Variants in LAMA3 observed in about 807,000 individuals in gnomAD.
LAMA3 encodes the protein laminin subunit alpha 3.
LAMA3 carries 281 observed loss-of-function variants against 402.0 expected under a neutral mutation model. That is an observed-to-expected ratio of 0.70 (90% confidence interval 0.63 to 0.77). The LOEUF is 0.77. LAMA3 is among the 30% of genes least tolerant of loss of function. The pLI is 0.00. For synonymous variants in LAMA3, 1,431 were observed against 1,558.4 expected, an observed-to-expected ratio of 0.92 and a Z score of 1.93; for missense variants, 3,840 against 4,215.5, an observed-to-expected ratio of 0.91 and a Z score of 2.47.
In LAMA3 at chr18:23,932,279, T is replaced by C; in HGVS notation, c.8696T>C (p.Val2899Ala). The C allele has an allele frequency of 6.2e-7, 1 of 1,613,950 alleles. No homozygotes were observed. Among genetic ancestry groups the C allele is most frequent in the Non-Finnish European group, 8.5e-7 (1 of 1,179,858 alleles). ...AATTTTGAGGGTTGTATTAGCAATG[T>C]TTTTGTCCAGAGGTAGGTGATCCTC... Reference protein sequence around the residue: ...GSNFEGCISNVFVQRLSLSPE... With the variant: ...GSNFEGCISNAFVQRLSLSPE... Residue 2899 changes from valine (V) to alanine (A), a missense_variant, in exon 66 of 75, where the codon GTT becomes GCT. Physicochemically the swap from Val to Ala is moderately conservative, Grantham distance 64 (BLOSUM62 0). Coordinates refer to ENST00000313654, the MANE Select transcript of LAMA3 (RefSeq NM_198129.4).
chr18:23,910,071 G>A lies in LAMA3; in HGVS notation c.7158+776G>A, dbSNP rs886080657. On this transcript the variant is annotated intron_variant, in intron 55 of 74. Transcript: ENST00000313654. ...AGCATAAGGCAAAGTTTGGAAGAAC[G>A]CACCCTCTTCACACTCATACATGCT... Among the ~76,000 whole-genome samples the A allele has an allele frequency of 4.6e-5, 7 of 152,264 alleles. 1 individual carries two copies. The East Asian group carries it at 5.8e-4, about 13-fold the overall frequency.
intron 50 of LAMA3, among the ~76,000 whole-genome samples, 158 bp from the exon 51 acceptor site, chr18:23,904,395 A>G (rs1200834662): frequency 3.9e-5 from 6 of 152,032 alleles, no homozygotes; most frequent in African/African-American, 1.4e-4. Flanking sequence ...GCAGACAGAG[A>G]GAGACTCTGC....
intron 11 of LAMA3, among the ~76,000 whole-genome samples, chr18:23,778,223 C>A (rs970998174): frequency 6.6e-6 from 1 of 152,172 alleles, no homozygotes; most frequent in African/African-American, 2.4e-5. Flanking sequence ...GTGGGTGTTA[C>A]ATTTACCAAA....
Position 23,776,157 on chromosome 18 carries a change from C to T in LAMA3, c.1405+234C>T, listed in dbSNP as rs1352431915. On this transcript the variant is annotated intron_variant, in intron 10 of 74. Transcript: ENST00000313654. The stretch of plus-strand genomic sequence containing the variant: ...TGTTGTGCCACAGAAATTGCCATCT[C>T]AGTAGGTCAAAAAGTCAAACATTGG... Among the ~76,000 whole-genome samples, 5 of 152,288 alleles carry T rather than the reference C, an allele frequency of 3.3e-5. No individual in the cohort carries two copies. The East Asian group carries it at 9.6e-4, about 29-fold the overall frequency.
intron 40 of LAMA3, among the ~76,000 whole-genome samples, chr18:23,883,006 A>G (rs986395936): frequency 2.6e-5 from 4 of 152,224 alleles, no homozygotes; most frequent in Admixed American, 6.5e-5. Flanking sequence ...AGAGGAAGCC[A>G]TGGCAGTATT....
At chr18:23,707,749 CTT>C (rs112324401) in intron 1 of LAMA3, among the ~76,000 whole-genome samples, 22 of 140,740 alleles carry the variant, frequency 1.6e-4, no homozygotes, top group Admixed American at 2.1e-4. Flanking sequence ...AAACAAAATT[CTT>C]TTTTTTTTTT....
At chr18:23,803,751 G>A (rs2062909370) in intron 12 of LAMA3, among the ~76,000 whole-genome samples, 1 of 152,194 alleles carries the variant, frequency 6.6e-6, no homozygotes, top group Non-Finnish European at 1.5e-5. Flanking sequence ...GGATGTCCCA[G>A]AAAGGCACAA....
At chr18:23,826,535 T>C (rs1219028802) in intron 21 of LAMA3, among the ~76,000 whole-genome samples, 167 bp from the exon 22 acceptor site, 2 of 152,234 alleles carry the variant, frequency 1.3e-5, no homozygotes, top group African/African-American at 4.8e-5. Flanking sequence ...TGAGTGGTTC[T>C]TTGTGTTTCG....
intron 2 of LAMA3, among the ~76,000 whole-genome samples, chr18:23,738,152 G>T (rs894001077): frequency 3.9e-5 from 6 of 152,100 alleles, no homozygotes; most frequent in African/African-American, 1.4e-4. Context: ...GCAGAGGGGA[G>T]TGAGTCCCCG....
intron 36 of LAMA3, among the ~76,000 whole-genome samples, chr18:23,866,887 A>G (rs113601207): frequency 1.4e-3 from 210 of 152,292 alleles, no homozygotes; most frequent in African/African-American, 4.6e-3. Flanking sequence ...TGAAATACCA[A>G]ACACCTTTAG....
At chr18:23,860,039 A>G (rs1328963853) in intron 34 of LAMA3, among the ~76,000 whole-genome samples, 3 of 152,170 alleles carry the variant, frequency 2.0e-5, no homozygotes, top group Non-Finnish European at 4.4e-5. Flanking sequence ...ACCAATTACT[A>G]TGGCAAAAGA....
At chr18:23,894,422 G>T in intron 43 of LAMA3, 74 bp downstream of exon 43, 1 of 1,297,050 alleles carries the variant, frequency 7.7e-7, no homozygotes, top group East Asian at 2.3e-5. Flanking sequence ...CACCATGCTG[G>T]GTCATGCAGT....
intron 4 of LAMA3, among the ~76,000 whole-genome samples, chr18:23,750,198 G>C (rs2061720681): frequency 6.6e-6 from 1 of 152,146 alleles, no homozygotes; most frequent in Non-Finnish European, 1.5e-5. Context: ...GGCAAACAAA[G>C]GTGAAACAAT....
At chr18:23,893,570 G>A (rs2080768416) in intron 42 of LAMA3, among the ~76,000 whole-genome samples, 1 of 151,966 alleles carries the variant, frequency 6.6e-6, no homozygotes, top group Non-Finnish European at 1.5e-5. Flanking sequence ...GTGAGAGAGT[G>A]AGACTCCCCC....
chr18:23,713,875 A>T (rs1410449336), intron 1 of LAMA3, 45 bp from the exon 2 acceptor site: 1 of 1,587,160 alleles, frequency 6.3e-7, no homozygotes, highest in Non-Finnish European at 8.6e-7. Context: ...GAAAGTAAAA[A>T]AATAAAAAAC....
chr18:23,750,842 GTTA>G, intron 4 of LAMA3, 73 bp from the exon 5 acceptor site: 1 of 1,527,940 alleles, frequency 6.5e-7, no homozygotes, highest in South Asian at 1.1e-5. Flanking sequence ...GGGCATGTGA[GTTA>G]TTTTTACTTA....
At chr18:23,724,251 G>A (rs545549226) in intron 2 of LAMA3, among the ~76,000 whole-genome samples, 13 of 152,166 alleles carry the variant, frequency 8.5e-5, no homozygotes, top group East Asian at 3.9e-4. Context: ...TGGTATGTAC[G>A]TATACATCTT....
In LAMA3 at chr18:23,931,177, T is replaced by C; in HGVS notation, c.8552T>C (p.Val2851Ala). 5.0e-6 allele frequency: 8 copies of C among 1,612,948 alleles called. No homozygotes were observed. The highest frequency in any genetic ancestry group is 1.6e-4 in the Middle Eastern group (1 of 6,062). ...TATATGGATGGTTTACTGCATTATGTATCTGTAATAAGCGACAACTCTGGG... is the reference window on the plus strand; with the variant it reads ...TATATGGATGGTTTACTGCATTATGCATCTGTAATAAGCGACAACTCTGGG... The part of the protein sequence containing the change: ...QTYMDGLLHY[V>A]SVISDNSGLR... The change falls in exon 65 of 75, where the codon GTA becomes GCA. Residue 2851 changes from valine to alanine, a missense_variant. Around this residue, in one of 3 missense-constraint regions of LAMA3, gnomAD observed 840 missense variants for 981.9 expected, o/e 0.86. Transcript: ENST00000313654.
chr18:23,729,050 A>T (rs1403386020), intron 2 of LAMA3, among the ~76,000 whole-genome samples: 1 of 142,370 alleles, frequency 7.0e-6, no homozygotes, highest in Non-Finnish European at 1.6e-5. Flanking sequence ...AAAAAAAAAA[A>T]GAATGAAGGA....
Sources: gnomAD v4.1 joint callset for allele counts (sites outside exome capture counted in the v4.1 genomes callset) on GRCh38, gnomAD v4.1.1 for gene constraint, gnomAD v4.1.1 regional missense constraint, MANE v1.5 for transcripts, NCBI Gene and HGNC (gene_info 2026-07-23, HGNC 2026-07-21) for gene names.